Variants in CIDEC observed in about 807,000 individuals in gnomAD.
The protein encoded by CIDEC is lipid transferase CIDEC.
Under a neutral mutation model 21.9 loss-of-function variants are expected in CIDEC, and 11 were observed. The ratio of observed to expected loss-of-function variants is 0.50; its 90% confidence interval spans 0.32 to 0.83. The LOEUF is 0.83. Ranked by LOEUF, CIDEC falls within the 40% of genes least tolerant of loss-of-function variation. The pLI is 0.04. For synonymous variants in CIDEC, 127 were observed against 124.9 expected (o/e 1.02, Z -0.11); for missense variants, 302 against 302.3 (o/e 1.00, Z 0.01).
At chr3:9,872,945 C>T (rs1206094588) in intron 4 of CIDEC, among the ~76,000 whole-genome samples, 1 of 152,132 alleles carries the variant, frequency 6.6e-6, no homozygotes, top group Non-Finnish European at 1.5e-5. Flanking sequence ...GCCTAGATTG[C>T]ACCACTGCAC....
chr3:9,872,208 C>T (rs1451690600), intron 4 of CIDEC, among the ~76,000 whole-genome samples: 1 of 147,828 alleles, frequency 6.8e-6, no homozygotes, highest in Non-Finnish European at 1.5e-5. Flanking sequence ...GGGTCTTGCT[C>T]TCTCACCCAG....
chr3:9,878,823 C>A (rs2082466779), intron 2 of CIDEC, 119 bp downstream of exon 2: 2 of 1,536,098 alleles, frequency 1.3e-6, no homozygotes, highest in Non-Finnish European at 8.7e-7. Flanking sequence ...GAGCAGATAA[C>A]CCAACTCAGG....
intron 4 of CIDEC, among the ~76,000 whole-genome samples, chr3:9,872,030 C>T (rs961754853): frequency 1.3e-5 from 2 of 152,022 alleles, no homozygotes; most frequent in Admixed American, 6.6e-5. Context: ...AGGCTGTTCT[C>T]GAACTCCTGG....
intron 1 of CIDEC, among the ~76,000 whole-genome samples, chr3:9,879,590 C>G (rs1271738404): frequency 6.6e-6 from 1 of 152,232 alleles, no homozygotes; most frequent in Non-Finnish European, 1.5e-5. Flanking sequence ...GCCCTGGGCT[C>G]ATCTGTCACC....
In CIDEC at chr3:9,867,216, A is replaced by T; in HGVS notation, c.635T>A (p.Leu212His). Residue 212 changes from leucine (L) to histidine (H), a missense_variant, in exon 7 of 7, where the codon CTC (leucine) becomes CAC (histidine). By Grantham distance (99) the Leu-to-His change is moderately conservative (BLOSUM62 -3). Transcript: ENST00000336832. ...CTGCCCTTCCTCCGTAGCATCGAGG[A>T]GCTGCTGCAGGTAACAGGAGGTGCC... ...LLGTSCYLQQ[L>H]LDATEEGQPP... The T allele has an allele frequency of 1.2e-6, 2 of 1,614,108 alleles. No homozygotes were observed. Among genetic ancestry groups the T allele is most frequent in the African/African-American group, 1.3e-5 (1 of 75,064 alleles).
In CIDEC at chr3:9,877,234, G is replaced by T. The variant is rs369328073; in HGVS notation, c.54-15C>A. 52 of 1,549,760 alleles carry T rather than the reference G, an allele frequency of 3.4e-5. No homozygotes were observed. The African/African-American group carries it at 6.4e-4, about 19-fold the overall frequency. On this transcript the variant is annotated splice_polypyrimidine_tract_variant and intron_variant, in intron 3 of 6. Coordinates refer to ENST00000336832, the MANE Select transcript of CIDEC (RefSeq NM_001321142.2). ...CTGACACATGCCTGGGGCAGTTGAA[G>T]CATCAGGGTGAGCCACCCACTTTGC...
chr3:9,877,224 G>A lies in CIDEC; in HGVS notation c.54-5C>T, dbSNP rs1049018868. 13 of 1,549,826 alleles carry A rather than the reference G, an allele frequency of 8.4e-6. No individual in the cohort carries two copies. The highest frequency in any genetic ancestry group is 1.4e-5 in the African/African-American group (1 of 72,988). On this transcript the variant is annotated splice_region_variant and splice_polypyrimidine_tract_variant and intron_variant, in intron 3 of 6. Transcript: ENST00000336832. ...GAGGTACGCACTGACACATGCCTGG[G>A]GCAGTTGAAGCATCAGGGTGAGCCA...
chr3:9,868,612 G>C (rs564322436), intron 6 of CIDEC, among the ~76,000 whole-genome samples: 1 of 152,158 alleles, frequency 6.6e-6, no homozygotes, highest in African/African-American at 2.4e-5. Context: ...AAGCGGGAGC[G>C]GGTTCTAACC....
chr3:9,879,006 G>A lies in CIDEC; in HGVS notation c.-90C>T. ...AGCCTCCTCTCTCCCATGGGTCCTT[G>A]AGCAATCCGAGCCCCTTCCTGAGGC... On this transcript the variant is annotated 5_prime_UTR_variant, in exon 2 of 7. Coordinates refer to ENST00000336832, the MANE Select transcript of CIDEC (RefSeq NM_001321142.2). 1.6e-6 allele frequency: 1 copy of A among 624,854 alleles called. No homozygotes were observed. Among genetic ancestry groups the A allele is most frequent in the Non-Finnish European group, 2.9e-6 (1 of 346,982 alleles). 38.7% of individuals were successfully genotyped at this position (624,854 alleles called of 1,614,324 possible).
chr3:9,878,495 G>C lies in CIDEC; in HGVS notation c.-9C>G. 6.2e-7 allele frequency: 1 copy of C among 1,613,846 alleles called. No individual in the cohort carries two copies. The highest frequency in any genetic ancestry group is 8.5e-7 in the Non-Finnish European group (1 of 1,179,764). Reference sequence around the variant, plus strand: ...TTCATGGCGTATTCCATCCTTGTCAGCTGGACTGCGTTGGACCTGGGAAGG... The same window carrying C: ...TTCATGGCGTATTCCATCCTTGTCACCTGGACTGCGTTGGACCTGGGAAGG... On this transcript the variant is annotated 5_prime_UTR_variant, in exon 3 of 7. Coordinates refer to ENST00000336832, the MANE Select transcript of CIDEC (RefSeq NM_001321142.2).
chr3:9,876,504 C>T (rs2082424368), intron 4 of CIDEC, among the ~76,000 whole-genome samples: 1 of 151,912 alleles, frequency 6.6e-6, no homozygotes, highest in Admixed American at 6.6e-5. Context: ...CACCTGTAAT[C>T]CCAACACTTT....
intron 1 of CIDEC, 42 bp downstream of exon 1, chr3:9,880,182 A>C (rs1255147342): frequency 1.3e-5 from 2 of 151,548 alleles, no homozygotes; most frequent in Non-Finnish European, 2.9e-5. Flanking sequence ...AGGAGCAAAG[A>C]AAAAAAAATC....
intron 6 of CIDEC, 88 bp downstream of exon 6, chr3:9,869,794 C>A (rs148305796): frequency 8.1e-7 from 1 of 1,239,146 alleles, no homozygotes; most frequent in Non-Finnish European, 1.2e-6. Flanking sequence ...CAGACCCAGG[C>A]GCTGAGAAGG....
chr3:9,878,894 C>A, intron 2 of CIDEC, 48 bp downstream of exon 2: 1 of 1,364,694 alleles, frequency 7.3e-7, no homozygotes, highest in Non-Finnish European at 1.0e-6. Context: ...TTTACGCTGG[C>A]AGGAGGTGAG....
chr3:9,876,757 CAA>C (rs6147705), intron 4 of CIDEC, among the ~76,000 whole-genome samples: 2 of 67,770 alleles, frequency 3.0e-5, no homozygotes, highest in African/African-American at 5.3e-5. Context: ...GACTTCGTCT[CAA>C]AAAAAAAAAA....
intron 3 of CIDEC, 184 bp downstream of exon 3, chr3:9,878,250 A>G (rs1045629935): frequency 3.1e-6 from 2 of 649,212 alleles, no homozygotes; most frequent in African/African-American, 1.8e-5. Context: ...TGTAAGCAGC[A>G]GCATTAATAT....
chr3:9,873,623 CAA>C (rs570208620), intron 4 of CIDEC, among the ~76,000 whole-genome samples: 5 of 144,516 alleles, frequency 3.5e-5, no homozygotes, highest in Admixed American at 1.4e-4. Flanking sequence ...CTCACCGTCT[CAA>C]AAAAAAAAAG....
At chr3:9,878,642 T>A in intron 2 of CIDEC, 131 bp from the exon 3 acceptor site, 2 of 1,250,974 alleles carry the variant, frequency 1.6e-6, no homozygotes, top group Non-Finnish European at 2.3e-6. Context: ...AACTCACACA[T>A]ACCTCCCCCA....
rs910493100 is a variant in CIDEC, at chr3:9,878,505, G to C, written c.-19C>G. 1.2e-6 allele frequency: 2 copies of C among 1,613,548 alleles called. No individual in the cohort carries two copies. The highest frequency in any genetic ancestry group is 2.2e-5 in the South Asian group (2 of 91,064). On this transcript the variant is annotated 5_prime_UTR_variant, in exon 3 of 7. Coordinates refer to ENST00000336832, the MANE Select transcript of CIDEC (RefSeq NM_001321142.2). ...ATTCCATCCTTGTCAGCTGGACTGC[G>C]TTGGACCTGGGAAGGAGGCAGAAAC... is the stretch of plus-strand genomic sequence containing the variant.
Sources: allele counts gnomAD v4.1 joint callset (sites outside exome capture counted in the v4.1 genomes callset), GRCh38; gene constraint gnomAD v4.1.1; transcripts MANE v1.5; gene names NCBI Gene and HGNC (gene_info 2026-07-23, HGNC 2026-07-21).